The following TNPO3 variants were observed in gnomAD, a reference collection of about 807,000 sequenced individuals.
TNPO3 encodes transportin-3.
Under a neutral mutation model 122.8 loss-of-function variants are expected in TNPO3, and 65 were observed. The ratio of observed to expected loss-of-function variants is 0.53; its 90% CI spans 0.43 to 0.65. The LOEUF (loss-of-function observed/expected upper bound fraction) is 0.65, where lower values mean the gene tolerates loss of function less well. TNPO3 is among the 30% of genes least tolerant of loss of function. TNPO3 has a pLI of 0.00. For missense variants in TNPO3, 850 were observed against 1,136.7 expected, an observed-to-expected ratio of 0.75 and a Z score of 3.63; for synonymous variants, 372 against 411.2, an observed-to-expected ratio of 0.90 and a Z score of 1.15.
chr7:129,033,073 G>T (rs909202967), intron 1 of TNPO3, among the ~76,000 whole-genome samples: 6 of 152,082 alleles, frequency 3.9e-5, no homozygotes, highest in Non-Finnish European at 4.4e-5. Context: ...TGTCAAGGGT[G>T]CCAAGACTAC....
rs1454858887 is a variant in TNPO3, at chr7:129,054,789, G to T, written c.-19C>A. ...CTTCCATGGTGGTGGCGGTAGTGGC[G>T]GTAGCGACGGCTCTGATTCTTCTCC... On this transcript the variant is annotated 5_prime_UTR_variant, in exon 1 of 23. Transcript: ENST00000265388. The T allele has an allele frequency of 1.9e-6, 3 of 1,613,922 alleles. No homozygotes were observed. The highest frequency in any genetic ancestry group is 2.2e-5 in the East Asian group (1 of 44,878).
chr7:129,030,732 G>A (rs1201693180), intron 1 of TNPO3, among the ~76,000 whole-genome samples: 2 of 151,982 alleles, frequency 1.3e-5, no homozygotes, highest in Non-Finnish European at 2.9e-5. Context: ...TACGGATGTG[G>A]CAATATGGAA....
intron 19 of TNPO3, 43 bp from the exon 20 acceptor site, chr7:128,970,358 A>C (rs1375919002): frequency 3.3e-6 from 5 of 1,522,396 alleles, no homozygotes; most frequent in African/African-American, 2.8e-5. Context: ...TTCTAGTCTC[A>C]ACTTCCCAAA....
intron 1 of TNPO3, among the ~76,000 whole-genome samples, 188 bp from the exon 2 acceptor site, chr7:129,018,345 AT>A (rs1360756093): frequency 1.3e-5 from 2 of 152,186 alleles, no homozygotes; most frequent in Admixed American, 6.5e-5. Flanking sequence ...CAACAAAATA[AT>A]TACCTAAAAT....
Position 129,001,238 on chromosome 7 carries a change from G to A in TNPO3, c.697-4C>T. On this transcript the variant is annotated splice_region_variant and splice_polypyrimidine_tract_variant and intron_variant, in intron 5 of 22. Coordinates refer to ENST00000265388, the MANE Select transcript of TNPO3 (RefSeq NM_012470.4). ...TAGACGAGGTCTTATCCTGTTGCTG[G>A]GGAGGTAGCAGGAATAGGGAAGCAA... is the stretch of plus-strand genomic sequence containing the variant. 6.3e-7 allele frequency: 1 copy of A among 1,595,506 alleles called. No homozygotes were observed. Among genetic ancestry groups the A allele is most frequent in the African/African-American group, 1.3e-5 (1 of 74,806 alleles).
chr7:128,961,972 A>G (rs868365895), intron 21 of TNPO3, among the ~76,000 whole-genome samples: 1 of 152,170 alleles, frequency 6.6e-6, no homozygotes, highest in East Asian at 1.9e-4. Flanking sequence ...TCTAGTCCCA[A>G]TTGGTCTTAG....
chr7:128,996,418 A>T (rs1801320288), intron 8 of TNPO3, among the ~76,000 whole-genome samples: 1 of 152,148 alleles, frequency 6.6e-6, no homozygotes, highest in Admixed American at 6.6e-5. Flanking sequence ...ATTAGTTTTC[A>T]TCTAACCACT....
intron 1 of TNPO3, among the ~76,000 whole-genome samples, chr7:129,033,488 T>C (rs1358994563): frequency 6.6e-6 from 1 of 152,144 alleles, no homozygotes; most frequent in Non-Finnish European, 1.5e-5. Context: ...CTAGAACCCT[T>C]TGCATCACTG....
chr7:128,974,249 A>G (rs1038464218), intron 18 of TNPO3, among the ~76,000 whole-genome samples: 8 of 151,824 alleles, frequency 5.3e-5, no homozygotes, highest in East Asian at 1.9e-4. Context: ...TGTAAATGAT[A>G]TAACAGTTGG....
chr7:129,035,242 C>G (rs1468341074), intron 1 of TNPO3, among the ~76,000 whole-genome samples: 1 of 150,710 alleles, frequency 6.6e-6, no homozygotes, highest in East Asian at 2.0e-4. Flanking sequence ...CCACTGCAGT[C>G]CGGCCTGGGC....
At position 128,994,006 on chromosome 7, in the gene TNPO3, C is replaced by T; in HGVS notation, c.1159-92G>A. The T allele has an allele frequency of 2.5e-6, 3 of 1,195,638 alleles. No homozygotes were observed. In the East Asian group the frequency reaches 7.1e-5, roughly 28 times the overall value. The allele number at this position is 1,195,638 out of a possible 1,614,324, so 74.1% of individuals were successfully genotyped here. On this transcript the variant is annotated intron_variant, in intron 8 of 22. Coordinates refer to ENST00000265388, the MANE Select transcript of TNPO3 (RefSeq NM_012470.4). ...CAAGAAGAAGAAAAAAACCATTAAG[C>T]AGTCAAGTTTCAATGAACAAAAGTT...
At chr7:128,971,895 T>A (rs147784783) in intron 19 of TNPO3, among the ~76,000 whole-genome samples, 1 of 152,250 alleles carries the variant, frequency 6.6e-6, no homozygotes, top group African/African-American at 2.4e-5. Flanking sequence ...CTTTTATCAC[T>A]CATCTGACAA....
intron 5 of TNPO3, among the ~76,000 whole-genome samples, chr7:129,004,504 G>C (rs914435881): frequency 1.3e-5 from 2 of 152,150 alleles, no homozygotes; most frequent in Admixed American, 1.3e-4. Context: ...AAAGACATTA[G>C]TACTTATTCT....
chr7:129,018,121 T>C lies in TNPO3; in HGVS notation c.157A>G (p.Ile53Val). Residue 53 changes from isoleucine (I) to valine (V), a missense_variant, in exon 2 of 23, where the codon ATC becomes GTC. Ile to Val is a conservative substitution (Grantham distance 29, BLOSUM62 3). Coordinates refer to ENST00000265388, the MANE Select transcript of TNPO3 (RefSeq NM_012470.4). ...AWEISDQLLQ[I>V]RQDVESCYFA... The stretch of plus-strand genomic sequence containing the variant: ...TAGCATGACTCCACATCCTGCCGGA[T>C]CTGTAACAACTGGTCTGAGATCTCC... 1 of 1,614,178 alleles carries C rather than the reference T, an allele frequency of 6.2e-7. No individual in the cohort carries two copies. The highest frequency in any genetic ancestry group is 8.5e-7 in the Non-Finnish European group (1 of 1,180,028).
intron 14 of TNPO3, among the ~76,000 whole-genome samples, chr7:128,981,580 T>G (rs1799630750): frequency 6.6e-6 from 1 of 152,174 alleles, no homozygotes; most frequent in South Asian, 2.1e-4. Context: ...CAAGATCTAA[T>G]GAATCAGACA....
intron 5 of TNPO3, among the ~76,000 whole-genome samples, chr7:129,004,058 C>T (rs903259656): frequency 6.6e-6 from 1 of 152,148 alleles, no homozygotes; most frequent in East Asian, 1.9e-4. Context: ...TGGAGACAGA[C>T]AATGGCAAGC....
Position 128,980,324 on chromosome 7 carries a change from T to C in TNPO3, c.1860-293A>G, listed in dbSNP as rs1481725591. On this transcript the variant is annotated intron_variant, in intron 14 of 22. Coordinates refer to ENST00000265388, the MANE Select transcript of TNPO3 (RefSeq NM_012470.4). The stretch of plus-strand genomic sequence containing the variant: ...ATTTTTCCCTTTATAAACCCAAATA[T>C]GGGCTGGGTGTGGTGGCTCACGCCT... Among the ~76,000 whole-genome samples, 4 of 152,180 alleles carry C rather than the reference T, an allele frequency of 2.6e-5. No homozygotes were observed. In the South Asian group the frequency reaches 6.2e-4, roughly 24 times the overall value.
At chr7:128,976,504 C>T (rs954877118) in intron 16 of TNPO3, among the ~76,000 whole-genome samples, 2 of 151,910 alleles carry the variant, frequency 1.3e-5, no homozygotes, top group Admixed American at 6.6e-5. Context: ...GACTGGGTTT[C>T]GCTCTGTTGC....
At chr7:129,021,800 G>T (rs1215330959) in intron 1 of TNPO3, among the ~76,000 whole-genome samples, 1 of 151,818 alleles carries the variant, frequency 6.6e-6, no homozygotes, top group Non-Finnish European at 1.5e-5. Context: ...AATTGAGAAG[G>T]AACATTTCAG....
Sources: gnomAD v4.1 joint callset for allele counts (sites outside exome capture counted in the v4.1 genomes callset) on GRCh38, gnomAD v4.1.1 for gene constraint, MANE v1.5 for transcripts, NCBI Gene and HGNC (gene_info 2026-07-23, HGNC 2026-07-21) for gene names.